Variants in LYPLAL1 observed in about 807,000 individuals in gnomAD.
LYPLAL1 encodes the protein lysophospholipase like 1.
In LYPLAL1, 23 loss-of-function variants were observed where a neutral mutation model predicts 19.7. The observed-to-expected ratio is 1.17, with a 90% CI of 0.84 to 1.65. The LOEUF (loss-of-function observed/expected upper bound fraction) is 1.65. Among genes scored for constraint, LYPLAL1 ranks in the 40% most tolerant of loss-of-function variants. The pLI is 0.00. For missense variants in LYPLAL1, 355 were observed against 279.4 expected, an observed-to-expected ratio of 1.27 and a Z score of -1.93; for synonymous variants, 119 against 96.3, an observed-to-expected ratio of 1.24 and a Z score of -1.38.
the LYPLAL1 span, among the ~76,000 whole-genome samples, chr1:219,245,737 A>G: frequency 1.3e-5 from 2 of 152,240 alleles, no homozygotes; most frequent in South Asian, 2.1e-4. Flanking sequence ...CTGGTAAGCT[A>G]TATTGAATTA....
At chr1:219,388,429 G>T in the LYPLAL1 span, among the ~76,000 whole-genome samples, 2 of 152,040 alleles carry the variant, frequency 1.3e-5, no homozygotes, top group Non-Finnish European at 2.9e-5. Context: ...TGTTATTATA[G>T]CTCTGGAGTT....
chr1:219,417,371 T>C, the LYPLAL1 span, among the ~76,000 whole-genome samples: 2 of 152,202 alleles, frequency 1.3e-5, no homozygotes, highest in African/African-American at 2.4e-5. Flanking sequence ...AAACAGTCTA[T>C]GTTAAAGCTG....
chr1:219,350,253 G>T, the LYPLAL1 span, among the ~76,000 whole-genome samples: 1 of 151,896 alleles, frequency 6.6e-6, no homozygotes, highest in African/African-American at 2.4e-5. Context: ...CTGCCACACT[G>T]TATATGTTTT....
At chr1:219,392,975 T>A in the LYPLAL1 span, among the ~76,000 whole-genome samples, 1 of 152,192 alleles carries the variant, frequency 6.6e-6, no homozygotes, top group Non-Finnish European at 1.5e-5. Context: ...CAGAATTTAA[T>A]TTAGGTATTT....
At chr1:219,344,537 A>C in the LYPLAL1 span, among the ~76,000 whole-genome samples, 5 of 152,142 alleles carry the variant, frequency 3.3e-5, no homozygotes, top group African/African-American at 9.7e-5. Context: ...CCACAGCATA[A>C]GTGACTTCCT....
the LYPLAL1 span, among the ~76,000 whole-genome samples, chr1:219,404,555 A>G: frequency 1.3e-5 from 2 of 152,158 alleles, no homozygotes; most frequent in African/African-American, 4.8e-5. Context: ...CAGTTTTGCA[A>G]TGTGTTGAGC....
At chr1:219,192,282 A>G (rs1416035304) in intron 2 of LYPLAL1, among the ~76,000 whole-genome samples, 1 of 151,664 alleles carries the variant, frequency 6.6e-6, no homozygotes, top group Non-Finnish European at 1.5e-5. Context: ...TCATGCTTTT[A>G]CTTTACTAAC....
At chr1:219,296,821 A>G in the LYPLAL1 span, among the ~76,000 whole-genome samples, 1 of 152,160 alleles carries the variant, frequency 6.6e-6, no homozygotes, top group East Asian at 1.9e-4. Context: ...CATGTTAGGG[A>G]CTGTTCCTAC....
At chr1:219,306,849 T>TAGACAGACAGACAGAC in the LYPLAL1 span, among the ~76,000 whole-genome samples, 900 of 135,382 alleles carry the variant, frequency 6.6e-3, 6 homozygotes, top group Non-Finnish European at 0.01. Flanking sequence ...GATAGATAGA[T>TAGACAGACAGACAGAC]AGACAGACAG....
chr1:219,260,729 TA>T, the LYPLAL1 span, among the ~76,000 whole-genome samples: 43 of 150,170 alleles, frequency 2.9e-4, 1 homozygote, highest in African/African-American at 1.0e-3. Flanking sequence ...CACACACATA[TA>T]CATATATAAA....
At chr1:219,194,190 T>A (rs923056176) in intron 3 of LYPLAL1, among the ~76,000 whole-genome samples, 6 of 152,082 alleles carry the variant, frequency 3.9e-5, no homozygotes, top group African/African-American at 1.4e-4. Context: ...TTTCTGGTCC[T>A]TAGTTTCCTC....
the LYPLAL1 span, among the ~76,000 whole-genome samples, chr1:219,425,132 T>C: frequency 9.9e-5 from 15 of 152,130 alleles, no homozygotes; most frequent in Admixed American, 5.2e-4. Flanking sequence ...TCCTGGTTCA[T>C]AAAGGGCATT....
At position 219,173,917 on chromosome 1, in the gene LYPLAL1, G is replaced by GCAGCGCT. The variant is rs1316780056; in HGVS notation, c.28_34dup (p.Cys12SerfsTer12). The GCAGCGCT allele has an allele frequency of 1.2e-6, 2 of 1,613,516 alleles. No individual in the cohort carries two copies. Among genetic ancestry groups the GCAGCGCT allele is most frequent in the African/African-American group, 1.3e-5 (1 of 74,942 alleles). ...TGGCGGCTGCGTCGGGGTCGGTTCTGCAGCGCTGTATCGTGTCGCCGGCAG... is the reference window on the plus strand; with the variant it reads ...TGGCGGCTGCGTCGGGGTCGGTTCTGCAGCGCTCAGCGCTGTATCGTGTCGCCGGCAG... On this transcript the variant is annotated frameshift_variant, in exon 1 of 5. Transcript: ENST00000366928. LOFTEE classifies it high-confidence loss of function.
intron 3 of LYPLAL1, among the ~76,000 whole-genome samples, chr1:219,198,988 G>C (rs1273641905): frequency 1.3e-5 from 2 of 152,000 alleles, no homozygotes; most frequent in Non-Finnish European, 2.9e-5. Flanking sequence ...TAATATATGT[G>C]GCAACCAGAA....
chr1:219,285,558 G>A, the LYPLAL1 span, among the ~76,000 whole-genome samples: 2 of 152,284 alleles, frequency 1.3e-5, no homozygotes, highest in South Asian at 2.1e-4. Context: ...GAGTACTGAC[G>A]TATAGCTACC....
At chr1:219,421,894 CTT>C in the LYPLAL1 span, among the ~76,000 whole-genome samples, 1 of 152,128 alleles carries the variant, frequency 6.6e-6, no homozygotes, top group East Asian at 1.9e-4. Context: ...GGTGGTTACT[CTT>C]TGTTATTATT....
rs181038299 is a variant in LYPLAL1 at position 219,196,343 on chromosome 1, A to T, written c.361+3092A>T. On this transcript the variant is annotated intron_variant, in intron 3 of 4. Transcript: ENST00000366928. ...CCACAGCCTTGCCAGCATATTAAAA[A>T]TTCAAAATTCAAAAATTCTTGAATT... Among the ~76,000 whole-genome samples, 1,046 of 152,210 alleles carry T rather than the reference A, an allele frequency of 6.9e-3. 3 individuals are homozygous for T. The highest frequency in any genetic ancestry group is 0.01 in the Non-Finnish European group (691 of 67,986).
chr1:219,181,601 G>A (rs1656290307), intron 2 of LYPLAL1, among the ~76,000 whole-genome samples: 1 of 152,192 alleles, frequency 6.6e-6, no homozygotes. Flanking sequence ...ATAAGGCTCA[G>A]TTTGTGGGAG....
chr1:219,359,926 A>G, the LYPLAL1 span, among the ~76,000 whole-genome samples: 1 of 152,142 alleles, frequency 6.6e-6, no homozygotes, highest in Non-Finnish European at 1.5e-5. Context: ...TAGAAAGGGA[A>G]GTATGTGGGT....
Sources: allele counts gnomAD v4.1 joint callset (sites outside exome capture counted in the v4.1 genomes callset), GRCh38; gene constraint gnomAD v4.1.1; transcripts MANE v1.5; gene names NCBI Gene and HGNC (gene_info 2026-07-23, HGNC 2026-07-21).